Variants in DNAH17 observed in about 807,000 individuals in gnomAD.
DNAH17 encodes dynein axonemal heavy chain 17.
Under a neutral mutation model 485.6 loss-of-function variants are expected in DNAH17, and 376 were observed. That is an observed-to-expected ratio of 0.77 (90% CI 0.71 to 0.84). The LOEUF is 0.84. Ranked by LOEUF, DNAH17 falls within the 40% of genes least tolerant of loss-of-function variation. The pLI is 0.00. For missense variants in DNAH17, 6,370 were observed against 5,839.3 expected (o/e 1.09, Z -2.96); for synonymous variants, 3,031 against 2,405.9 (o/e 1.26, Z -7.60).
chr17:78,458,529 G>A (rs374368141), intron 62 of DNAH17, 36 bp downstream of exon 62: 10 of 1,566,130 alleles, frequency 6.4e-6, no homozygotes, highest in Non-Finnish European at 8.8e-6. Context: ...CAGGGGGTCT[G>A]AGAGCAGGAG....
chr17:78,444,349 T>C (rs975669535), intron 71 of DNAH17, among the ~76,000 whole-genome samples: 2 of 152,236 alleles, frequency 1.3e-5, no homozygotes, highest in East Asian at 3.8e-4. Context: ...AATGATACTC[T>C]GAGACATTAA....
At position 78,509,837 on chromosome 17, in the gene DNAH17, G is replaced by A. The variant is rs151180727; in HGVS notation, c.4236+547C>T. Among the ~76,000 whole-genome samples, 122 of 152,326 alleles carry A rather than the reference G, an allele frequency of 8.0e-4. No homozygotes were observed. In the Middle Eastern group the frequency reaches 0.054, roughly 68 times the overall value. ...TATTTACAAAATGTTCCAAACTATTGCATGTACGGGGCGGGCAGAGCTATA... is the reference window on the plus strand; with the variant it reads ...TATTTACAAAATGTTCCAAACTATTACATGTACGGGGCGGGCAGAGCTATA... On this transcript the variant is annotated intron_variant, in intron 27 of 80. Coordinates refer to ENST00000389840, the MANE Select transcript of DNAH17 (RefSeq NM_173628.4).
At chr17:78,534,165 C>T (rs1044210086) in intron 19 of DNAH17, among the ~76,000 whole-genome samples, 1 of 152,234 alleles carries the variant, frequency 6.6e-6, no homozygotes, top group Admixed American at 6.5e-5. Flanking sequence ...GCCAGTATTT[C>T]CCCTGCCCTA....
Position 78,567,093 on chromosome 17 carries a change from A to C in DNAH17, c.1358T>G (p.Leu453Arg), listed in dbSNP as rs764686433. Residue 453 changes from leucine (L) to arginine (R), a missense_variant, in exon 10 of 81, where the codon CTC becomes CGC. Transcript: ENST00000389840. ...IELGGVRGNLLGSLVTRIYDE... is the reference protein window; with the variant it reads ...IELGGVRGNLRGSLVTRIYDE... ...ATAGATACGGGTCACCAGGCTCCCGAGGAGGTTCCCACGCACGCCCCCAAG... is the reference window on the plus strand; with the variant it reads ...ATAGATACGGGTCACCAGGCTCCCGCGGAGGTTCCCACGCACGCCCCCAAG... The C allele has an allele frequency of 6.2e-7, 1 of 1,613,210 alleles. No homozygotes were observed. The highest frequency in any genetic ancestry group is 1.1e-5 in the South Asian group (1 of 90,848).
At chr17:78,573,534 G>A (rs1182858908) in intron 2 of DNAH17, among the ~76,000 whole-genome samples, 1 of 151,284 alleles carries the variant, frequency 6.6e-6, no homozygotes, top group Non-Finnish European at 1.5e-5. Context: ...GGGAGGTGGA[G>A]GTTGCAGTGA....
At chr17:78,483,312 T>C (rs542283098) in intron 48 of DNAH17, among the ~76,000 whole-genome samples, 2 of 152,316 alleles carry the variant, frequency 1.3e-5, no homozygotes, top group East Asian at 3.9e-4. Context: ...AGGCAAGTGA[T>C]GGAGTCAGAC....
rs1315704380 is a variant in DNAH17, at chr17:78,530,983, C to T, written c.3115-471G>A. Among the ~76,000 whole-genome samples the T allele has an allele frequency of 5.9e-5, 9 of 152,194 alleles. No individual in the cohort carries two copies. The East Asian group carries it at 9.6e-4, about 16-fold the overall frequency. On this transcript the variant is annotated intron_variant, in intron 20 of 80. Coordinates refer to ENST00000389840, the MANE Select transcript of DNAH17 (RefSeq NM_173628.4). Reference sequence around the variant, plus strand: ...TTGGGAACAGAGCTAGAGGTTTGTGCGTTAACTATGTTTTCTTATTTTATG... The same window carrying T: ...TTGGGAACAGAGCTAGAGGTTTGTGTGTTAACTATGTTTTCTTATTTTATG...
Position 78,561,702 on chromosome 17 carries a change from G to A in DNAH17, c.1835+13C>T, listed in dbSNP as rs949222482. ...AGGCGGGGTGCCTGCCCCTGCCCAGGGCTGTGACTCACGGGTGTTCGACGT... is the reference window on the plus strand; with the variant it reads ...AGGCGGGGTGCCTGCCCCTGCCCAGAGCTGTGACTCACGGGTGTTCGACGT... On this transcript the variant is annotated intron_variant, in intron 12 of 80. Coordinates refer to ENST00000389840, the MANE Select transcript of DNAH17 (RefSeq NM_173628.4). The A allele has an allele frequency of 1.3e-6, 2 of 1,595,082 alleles. No individual in the cohort carries two copies. Among genetic ancestry groups the A allele is most frequent in the Non-Finnish European group, 1.7e-6 (2 of 1,168,842 alleles).
Position 78,567,171 on chromosome 17 carries a change from T to A in DNAH17, c.1285-5A>T, listed in dbSNP as rs370757080. The A allele has an allele frequency of 2.5e-6, 4 of 1,591,272 alleles. No individual in the cohort carries two copies. Among genetic ancestry groups the A allele is most frequent in the Middle Eastern group, 3.3e-4 (2 of 6,034 alleles). On this transcript the variant is annotated splice_region_variant and splice_polypyrimidine_tract_variant and intron_variant, in intron 9 of 80. Coordinates refer to ENST00000389840, the MANE Select transcript of DNAH17 (RefSeq NM_173628.4). ...AATTGCTGTTTTATAGAGTTCCTAG[T>A]GGAGGAGAAAAACACAGTCAATTCA... is the stretch of plus-strand genomic sequence containing the variant.
chr17:78,507,192 C>T (rs2090508480), intron 29 of DNAH17, 86 bp downstream of exon 29: 3 of 1,495,820 alleles, frequency 2.0e-6, no homozygotes, highest in Non-Finnish European at 2.7e-6. Context: ...GGCCAGCAGG[C>T]TGCACAAGAC....
chr17:78,502,058 G>A, intron 33 of DNAH17, 185 bp from the exon 34 acceptor site: 1 of 739,042 alleles, frequency 1.4e-6, no homozygotes, highest in East Asian at 2.8e-5. Flanking sequence ...GCCCTGATGG[G>A]ACACCTGGCA....
chr17:78,548,377 T>C (rs1383629774), intron 16 of DNAH17, among the ~76,000 whole-genome samples: 1 of 152,054 alleles, frequency 6.6e-6, no homozygotes, highest in Non-Finnish European at 1.5e-5. Context: ...GCTAATTTTT[T>C]GTATTTTTAG....
Position 78,558,227 on chromosome 17 carries a change from A to G in DNAH17, c.2059T>C (p.Tyr687His), listed in dbSNP as rs2092070826. ...ALVAVLREVK[Y>H]LNFQQQKEIP... ...TCTTTCTGTTGCTGGAAATTCAAAT[A>G]CTTGACTTCTCTCAGAACTGCCACC... The change falls in exon 14 of 81, where the codon TAT becomes CAT. Residue 687 changes from tyrosine to histidine, a missense_variant. Transcript: ENST00000389840. The G allele has an allele frequency of 6.2e-7, 1 of 1,613,670 alleles. No homozygotes were observed. The highest frequency in any genetic ancestry group is 1.1e-5 in the South Asian group (1 of 90,994).
chr17:78,571,504 G>C (rs1449791951), intron 4 of DNAH17, 86 bp downstream of exon 4: 4 of 1,532,548 alleles, frequency 2.6e-6, no homozygotes, highest in Non-Finnish European at 3.6e-6. Flanking sequence ...AGGACTCCTG[G>C]GAGGTTGGCA....
At chr17:78,486,166 A>G (rs1215161104) in intron 45 of DNAH17, 33 bp from the exon 46 acceptor site, 1 of 1,605,346 alleles carries the variant, frequency 6.2e-7, no homozygotes, top group Non-Finnish European at 8.5e-7. Flanking sequence ...ATCAGGGCCC[A>G]GCTAAGCAGG....
intron 21 of DNAH17, 93 bp downstream of exon 21, chr17:78,530,250 G>A (rs1305987541): frequency 1.4e-6 from 2 of 1,408,934 alleles, no homozygotes; most frequent in African/African-American, 1.4e-5. Context: ...CCCAGAGGAG[G>A]CACCTGACAA....
intron 13 of DNAH17, among the ~76,000 whole-genome samples, chr17:78,559,623 C>T (rs768427966): frequency 2.0e-5 from 3 of 152,206 alleles, no homozygotes; most frequent in Non-Finnish European, 2.9e-5. Context: ...GCCCCAGCTC[C>T]GTTCAATCTA....
rs750164492 is a variant in DNAH17, at chr17:78,574,944, G to T, written c.114C>A (p.Ala38=). The part of the protein sequence containing the change: ...SKLIGAEENV[A]LFTEFFEKPD... ...GCTTTTCAAAGAACTCTGTGAACAGGGCCACGTTCTCCTCGGCGCCTATCA... is the reference window on the plus strand; with the variant it reads ...GCTTTTCAAAGAACTCTGTGAACAGTGCCACGTTCTCCTCGGCGCCTATCA... The change falls in exon 2 of 81, where the codon GCC becomes GCA. Residue 38 remains alanine, a synonymous_variant. Coordinates refer to ENST00000389840, the MANE Select transcript of DNAH17 (RefSeq NM_173628.4). 5.6e-6 allele frequency: 9 copies of T among 1,613,850 alleles called. No individual in the cohort carries two copies. In the Admixed American group the frequency reaches 1.5e-4, roughly 27 times the overall value.
chr17:78,445,682 TG>T lies in DNAH17; in HGVS notation c.11212-3del. 6.3e-7 allele frequency: 1 copy of T among 1,590,360 alleles called. No homozygotes were observed. Among genetic ancestry groups the T allele is most frequent in the Non-Finnish European group, 8.6e-7 (1 of 1,168,674 alleles). ...CAGCTCCTTCTTCATGGACAGGACC[TG>T]GGGGAACATCGAGGTGTACACACTT... On this transcript the variant is annotated splice_polypyrimidine_tract_variant and splice_region_variant and intron_variant, in intron 69 of 80. Transcript: ENST00000389840.
Sources: gnomAD v4.1 joint callset for allele counts (sites outside exome capture counted in the v4.1 genomes callset) on GRCh38, gnomAD v4.1.1 for gene constraint, MANE v1.5 for transcripts, NCBI Gene and HGNC (gene_info 2026-07-23, HGNC 2026-07-21) for gene names.